Variants in AKIRIN2 observed in about 807,000 individuals in gnomAD.
AKIRIN2 encodes the protein akirin 2, also known as akirin-2.
In AKIRIN2, 6 loss-of-function variants were observed where a neutral mutation model predicts 29.3. The observed-to-expected ratio is 0.20, with a 90% CI of 0.11 to 0.40. The LOEUF is 0.40. Among genes scored for constraint, AKIRIN2 ranks in the 10% least tolerant of loss-of-function variants. The pLI is 1.00. For missense variants in AKIRIN2, 210 were observed against 276.1 expected (o/e 0.76, Z 1.70); for synonymous variants, 128 against 117.5 (o/e 1.09, Z -0.58).
rs774654045 is a variant in AKIRIN2 at position 87,677,847 on chromosome 6, T to C, written c.500A>G (p.Tyr167Cys). ...KEREEKVREE[Y>C]EEILNTKLAE... Reference sequence around the variant, plus strand: ...AAGTTTTGTGTTCAATATTTCTTCATATTCTTCTCGAACTTTCTCTTCACG... The same window carrying C: ...AAGTTTTGTGTTCAATATTTCTTCACATTCTTCTCGAACTTTCTCTTCACG... The change falls in exon 3 of 5, where the codon TAT becomes TGT. Residue 167 changes from tyrosine to cysteine, a missense_variant. By Grantham distance (194) the Tyr-to-Cys change is radical (BLOSUM62 -2). Around this residue, in one of 2 missense-constraint regions of AKIRIN2, gnomAD observed 199 missense variants for 236.5 expected, o/e 0.84. Coordinates refer to ENST00000257787, the MANE Select transcript of AKIRIN2 (RefSeq NM_018064.4). The C allele has an allele frequency of 1.2e-6, 2 of 1,614,130 alleles. No individual in the cohort carries two copies. Among genetic ancestry groups the C allele is most frequent in the East Asian group, 2.2e-5 (1 of 44,876 alleles).
chr6:87,676,333 CA>C (rs1258662237), intron 3 of AKIRIN2, among the ~76,000 whole-genome samples: 12 of 148,186 alleles, frequency 8.1e-5, no homozygotes, highest in East Asian at 8.0e-4. Context: ...GGCATGGTGG[CA>C]GGCCGCCTGT....
rs894794251 is a variant in AKIRIN2, at chr6:87,702,218, T to C, written c.-534A>G. The C allele has an allele frequency of 3.0e-5, 12 of 397,322 alleles. No individual in the cohort carries two copies. In the Admixed American group the frequency reaches 4.8e-4, roughly 16 times the overall value. The allele number at this position is 397,322 out of a possible 1,614,324, so 24.6% of individuals were successfully genotyped here. ...AGCGAACACGTCCAACCGCTTCCCC[T>C]CCCTCGTAGAACTCTCCCACCCGCC... On this transcript the variant is annotated 5_prime_UTR_variant, in exon 1 of 5. Coordinates refer to ENST00000257787, the MANE Select transcript of AKIRIN2 (RefSeq NM_018064.4).
At chr6:87,687,249 AC>A (rs1771202274) in intron 1 of AKIRIN2, among the ~76,000 whole-genome samples, 1 of 148,790 alleles carries the variant, frequency 6.7e-6, no homozygotes, top group African/African-American at 2.5e-5. Context: ...CTAAATTAAA[AC>A]ACACAACTTG....
At chr6:87,676,596 A>ACACAC (rs1770998077) in intron 3 of AKIRIN2, among the ~76,000 whole-genome samples, 1 of 142,046 alleles carries the variant, frequency 7.0e-6, no homozygotes, top group East Asian at 2.1e-4. Context: ...CTCTACTAAA[A>ACACAC]ACACACACAC....
Position 87,675,326 on chromosome 6 carries a change from A to C in AKIRIN2, c.*271T>G, listed in dbSNP as rs1228960817. 4 of 501,108 alleles carry C rather than the reference A, an allele frequency of 8.0e-6. No homozygotes were observed. The highest frequency in any genetic ancestry group is 3.4e-5 in the Admixed American group (1 of 29,298). The allele number at this position is 501,108 out of a possible 1,614,324, so 31.0% of individuals were successfully genotyped here. A position where few individuals can be genotyped will look rare whatever the true frequency, so the allele number is the denominator to read the frequency against. ...TAGAATACCAGCTTTAATCCTTTTCAAACATTAATATAAGAAGCCAAATTG... is the reference window on the plus strand; with the variant it reads ...TAGAATACCAGCTTTAATCCTTTTCCAACATTAATATAAGAAGCCAAATTG... On this transcript the variant is annotated 3_prime_UTR_variant, in exon 5 of 5. Coordinates refer to ENST00000257787, the MANE Select transcript of AKIRIN2 (RefSeq NM_018064.4).
intron 4 of AKIRIN2, 45 bp downstream of exon 4, chr6:87,675,815 G>C (rs202187671): frequency 6.4e-7 from 1 of 1,554,404 alleles, no homozygotes; most frequent in Non-Finnish European, 8.8e-7. Context: ...CTCCTTAAAA[G>C]ACAGTCTTAT....
intron 1 of AKIRIN2, among the ~76,000 whole-genome samples, chr6:87,692,837 A>G (rs1771297254): frequency 6.6e-6 from 1 of 152,016 alleles, no homozygotes; most frequent in Admixed American, 6.5e-5. Context: ...CACAACGAGG[A>G]AAGTTAATTT....
chr6:87,681,321 C>T (rs1368941741), intron 2 of AKIRIN2, among the ~76,000 whole-genome samples: 1 of 152,210 alleles, frequency 6.6e-6, no homozygotes, highest in Non-Finnish European at 1.5e-5. Context: ...GGATTACAGG[C>T]ATGAGCCACC....
chr6:87,685,270 G>C (rs1771169717), intron 1 of AKIRIN2, among the ~76,000 whole-genome samples: 1 of 152,176 alleles, frequency 6.6e-6, no homozygotes, highest in East Asian at 1.9e-4. Flanking sequence ...ATTTATTTCA[G>C]TTCAGGGATA....
rs1164164385 is a variant in AKIRIN2, at chr6:87,702,226, A to G, written c.-542T>C. 5 of 397,316 alleles carry G rather than the reference A, an allele frequency of 1.3e-5. No individual in the cohort carries two copies. Among genetic ancestry groups the G allele is most frequent in the Middle Eastern group, 6.3e-4 (1 of 1,588 alleles). The allele number at this position is 397,316 out of a possible 1,614,324, so 24.6% of individuals were successfully genotyped here. ...CGTCCAACCGCTTCCCCTCCCTCGT[A>G]GAACTCTCCCACCCGCCGCCGGCCC... is the stretch of plus-strand genomic sequence containing the variant. On this transcript the variant is annotated 5_prime_UTR_variant, in exon 1 of 5. Coordinates refer to ENST00000257787, the MANE Select transcript of AKIRIN2 (RefSeq NM_018064.4).
chr6:87,681,481 A>C, intron 2 of AKIRIN2, 139 bp downstream of exon 2: 1 of 819,960 alleles, frequency 1.2e-6, no homozygotes, highest in East Asian at 3.0e-5. Flanking sequence ...ATTATTTTTT[A>C]AGATGTCATG....
intron 1 of AKIRIN2, among the ~76,000 whole-genome samples, chr6:87,700,267 CAAA>C (rs10659226): frequency 1.4e-5 from 2 of 142,010 alleles, no homozygotes; most frequent in Non-Finnish European, 3.0e-5. Context: ...TTAAATGTGA[CAAA>C]AAAAAAAAAA....
chr6:87,690,444 G>GT (rs751246648), intron 1 of AKIRIN2, among the ~76,000 whole-genome samples: 18 of 152,146 alleles, frequency 1.2e-4, no homozygotes, highest in Non-Finnish European at 2.5e-4. Context: ...AAGATCAAGT[G>GT]TAATTCTAAG....
intron 3 of AKIRIN2, among the ~76,000 whole-genome samples, chr6:87,677,376 ACAT>A (rs1356125578): frequency 6.6e-6 from 1 of 152,236 alleles, no homozygotes; most frequent in Non-Finnish European, 1.5e-5. Flanking sequence ...ATGTTACCAT[ACAT>A]AATAAATTTT....
chr6:87,677,721 A>G lies in AKIRIN2; in HGVS notation c.529+97T>C, dbSNP rs1771045583. 2.2e-6 allele frequency: 3 copies of G among 1,388,362 alleles called. No homozygotes were observed. The Admixed American group carries it at 6.1e-5, about 28-fold the overall frequency. 86.0% of individuals were successfully genotyped at this position (1,388,362 alleles called of 1,614,324 possible). A position where few individuals can be genotyped will look rare whatever the true frequency, so the allele number is the denominator to read the frequency against. On this transcript the variant is annotated intron_variant, in intron 3 of 4. Coordinates refer to ENST00000257787, the MANE Select transcript of AKIRIN2 (RefSeq NM_018064.4). ...AAATTTTCTCATTCTCAGAGAATAT[A>G]CCGCACCAGTGTATAGAAAGTGAAA...
Position 87,681,848 on chromosome 6 carries a change from A to G in AKIRIN2, c.236-85T>C, listed in dbSNP as rs1771127045. The G allele has an allele frequency of 6.1e-6, 7 of 1,142,772 alleles. No homozygotes were observed. In the South Asian group the frequency reaches 1.2e-4, roughly 19 times the overall value. 70.8% of individuals were successfully genotyped at this position (1,142,772 alleles called of 1,614,324 possible). On this transcript the variant is annotated intron_variant, in intron 1 of 4. Transcript: ENST00000257787. Reference sequence around the variant, plus strand: ...GCTTTCCAACATTATTTAGTAGACCAATCTACCCAAAATACTCCTTTCAAA... The same window carrying G: ...GCTTTCCAACATTATTTAGTAGACCGATCTACCCAAAATACTCCTTTCAAA...
intron 1 of AKIRIN2, among the ~76,000 whole-genome samples, chr6:87,683,322 T>A (rs951948479): frequency 6.6e-6 from 1 of 152,258 alleles, no homozygotes. Context: ...CGGGGTGCTT[T>A]AGCTGTATTT....
intron 1 of AKIRIN2, among the ~76,000 whole-genome samples, chr6:87,696,205 G>A (rs888431644): frequency 2.8e-4 from 42 of 151,892 alleles, no homozygotes; most frequent in Non-Finnish European, 2.4e-4. Context: ...GACCCGATTA[G>A]TATGTACTAC....
intron 2 of AKIRIN2, among the ~76,000 whole-genome samples, chr6:87,678,535 T>C (rs548164415): frequency 1.1e-4 from 16 of 152,052 alleles, no homozygotes; most frequent in African/African-American, 3.9e-4. Flanking sequence ...AAAAATTAAA[T>C]TTAAAAAAGA....
Sources: allele counts gnomAD v4.1 joint callset (sites outside exome capture counted in the v4.1 genomes callset), GRCh38; gene constraint gnomAD v4.1.1; regional missense constraint gnomAD v4.1.1; transcripts MANE v1.5; gene names NCBI Gene and HGNC (gene_info 2026-07-23, HGNC 2026-07-21).